PGAP3: variants seen among roughly 807,000 people sequenced by gnomAD.
The protein encoded by PGAP3 is post-GPI attachment to proteins phospholipase 3.
A neutral mutation model predicts 40.3 loss-of-function variants in PGAP3; 31 were observed. The observed-to-expected ratio is 0.77, with a 90% CI of 0.58 to 1.04. The LOEUF is 1.04. PGAP3 is among the 50% of genes least tolerant of loss of function. The probability of loss-of-function intolerance (pLI) is 0.00; values close to 1 mark genes in which losing one functional copy is unlikely to be tolerated. For missense variants in PGAP3, 413 were observed against 423.0 expected, an observed-to-expected ratio of 0.98 and a Z score of 0.21; for synonymous variants, 191 against 184.5, an observed-to-expected ratio of 1.04 and a Z score of -0.29.
chr17:39,672,717 G>T lies in PGAP3; in HGVS notation c.*86C>A. ...GTCCAAGTTCAAGAAGTTGAAAAGA[G>T]AAAATCATCTCAAGGGTTGAGGGGA... On this transcript the variant is annotated 3_prime_UTR_variant, in exon 8 of 8. Coordinates refer to ENST00000300658, the MANE Select transcript of PGAP3 (RefSeq NM_033419.5). The T allele has an allele frequency of 1.5e-6, 2 of 1,357,860 alleles. No individual in the cohort carries two copies. The highest frequency in any genetic ancestry group is 2.1e-6 in the Non-Finnish European group (2 of 957,588). 84.1% of individuals were successfully genotyped at this position (1,357,860 alleles called of 1,614,324 possible). A position where few individuals can be genotyped will look rare whatever the true frequency, so the allele number is the denominator to read the frequency against.
Position 39,673,635 on chromosome 17 carries a change from C to G in PGAP3, c.573G>C (p.Gln191His). Residue 191 changes from glutamine to histidine, a missense_variant, in exon 6 of 8, where the codon CAG (glutamine) becomes CAC (histidine). By Grantham distance (24) the Gln-to-His change is conservative. Coordinates refer to ENST00000300658, the MANE Select transcript of PGAP3 (RefSeq NM_033419.5). ...GGAAGGCACTGACCACAGCTGGGTGCTGCAGCCCCACGGTCCTGCCCCACC... is the reference window on the plus strand; with the variant it reads ...GGAAGGCACTGACCACAGCTGGGTGGTGCAGCCCCACGGTCCTGCCCCACC... ...YLCCVRTVGL[Q>H]HPAVVSAFRA... 1.2e-6 allele frequency: 2 copies of G among 1,614,028 alleles called. No homozygotes were observed. Among genetic ancestry groups the G allele is most frequent in the Non-Finnish European group, 8.5e-7 (1 of 1,180,000 alleles).
rs75119040 is a variant in PGAP3 at position 39,685,859 on chromosome 17, A to G, written c.279+63T>C. On this transcript the variant is annotated intron_variant, in intron 2 of 7. Transcript: ENST00000300658. ...CAGACTGCTTGGACAGTGTGGTCCA[A>G]CCAGGGGGTATATTACTCCTACCAC... is the stretch of plus-strand genomic sequence containing the variant. The G allele has an allele frequency of 2.5e-3, 3,759 of 1,479,258 alleles. 89 individuals are homozygous for G. In the African/African-American group the frequency reaches 0.046, roughly 18 times the overall value. The allele number at this position is 1,479,258 out of a possible 1,614,324, so 91.6% of individuals were successfully genotyped here.
intron 3 of PGAP3, among the ~76,000 whole-genome samples, chr17:39,683,890 C>G (rs910764259): frequency 6.6e-6 from 1 of 151,896 alleles, no homozygotes; most frequent in African/African-American, 2.4e-5. Context: ...TTTGGGAGGC[C>G]GAGGTGGGTG....
At chr17:39,673,896 G>T in intron 5 of PGAP3, 97 bp downstream of exon 5, 2 of 1,429,068 alleles carry the variant, frequency 1.4e-6, no homozygotes, top group Non-Finnish European at 1.9e-6. Flanking sequence ...CGTAGGTGTT[G>T]GGAGACTAGT....
At chr17:39,673,728 C>A (rs79757706) in intron 5 of PGAP3, 78 bp from the exon 6 acceptor site, 16 of 1,575,502 alleles carry the variant, frequency 1.0e-5, no homozygotes, top group South Asian at 5.8e-5. Flanking sequence ...TCTCCTCCCC[C>A]CAACATTGGT....
intron 4 of PGAP3, among the ~76,000 whole-genome samples, 190 bp from the exon 5 acceptor site, chr17:39,674,244 T>C (rs2057347877): frequency 6.6e-6 from 1 of 152,168 alleles, no homozygotes; most frequent in Non-Finnish European, 1.5e-5. Context: ...AACAAGGCTT[T>C]AGGGACGCTG....
intron 5 of PGAP3, 112 bp downstream of exon 5, chr17:39,673,881 G>A (rs1331742551): frequency 4.5e-6 from 6 of 1,346,986 alleles, no homozygotes; most frequent in African/African-American, 1.4e-5. Flanking sequence ...TTGGGGGTTG[G>A]GGGGCGTAGG....
intron 1 of PGAP3, among the ~76,000 whole-genome samples, chr17:39,687,052 G>T (rs1002554276): frequency 6.6e-6 from 1 of 152,108 alleles, no homozygotes; most frequent in African/African-American, 2.4e-5. Flanking sequence ...TGCTCCCTGA[G>T]TAAATAAAGC....
intron 3 of PGAP3, among the ~76,000 whole-genome samples, chr17:39,684,155 A>G (rs942294000): frequency 4.2e-5 from 5 of 118,680 alleles, no homozygotes; most frequent in African/African-American, 1.0e-4. Flanking sequence ...AAAAAAAAAG[A>G]CTAGGCTGAG....
In PGAP3 at chr17:39,687,771, T is replaced by C. The variant is rs915104951; in HGVS notation, c.181+63A>G. 27 of 1,242,060 alleles carry C rather than the reference T, an allele frequency of 2.2e-5. No individual in the cohort carries two copies. In the Admixed American group the frequency reaches 2.8e-4, roughly 13 times the overall value. The allele number at this position is 1,242,060 out of a possible 1,614,324, so 76.9% of individuals were successfully genotyped here. A position where few individuals can be genotyped will look rare whatever the true frequency, so the allele number is the denominator to read the frequency against. On this transcript the variant is annotated intron_variant, in intron 1 of 7. Transcript: ENST00000300658. ...AAGGTTCAGGGATTGCAGAGGCGTATTGGGGGCGCAGGGGGCGGGAGCAAG... is the reference window on the plus strand; with the variant it reads ...AAGGTTCAGGGATTGCAGAGGCGTACTGGGGGCGCAGGGGGCGGGAGCAAG...
intron 3 of PGAP3, among the ~76,000 whole-genome samples, chr17:39,680,590 C>T (rs532229157): frequency 1.3e-5 from 2 of 152,242 alleles, no homozygotes; most frequent in East Asian, 1.9e-4. Flanking sequence ...CTCCAGATTC[C>T]GGGGTCTCCT....
rs1454137995 is a variant in PGAP3 at position 39,674,701 on chromosome 17, A to G, written c.433-22T>C. ...ACACCTAAGGAGGGAGGGGCTGGTG[A>G]GCATGCTGCCCCCCACCCTGACCTC... On this transcript the variant is annotated intron_variant, in intron 3 of 7. Transcript: ENST00000300658. 4 of 1,545,160 alleles carry G rather than the reference A, an allele frequency of 2.6e-6. No homozygotes were observed. The South Asian group carries it at 4.8e-5, about 18-fold the overall frequency.
In PGAP3 at chr17:39,674,683, A is replaced by T. The variant is rs1260526714; in HGVS notation, c.433-4T>A. On this transcript the variant is annotated splice_region_variant and splice_polypyrimidine_tract_variant and intron_variant, in intron 3 of 7. Coordinates refer to ENST00000300658, the MANE Select transcript of PGAP3 (RefSeq NM_033419.5). ...AGAACCATGCATTGAGGGACACCTA[A>T]GGAGGGAGGGGCTGGTGAGCATGCT... 9 of 1,550,740 alleles carry T rather than the reference A, an allele frequency of 5.8e-6. No individual in the cohort carries two copies. The highest frequency in any genetic ancestry group is 7.9e-6 in the Non-Finnish European group (9 of 1,146,346).
chr17:39,677,258 G>A (rs2057385894), intron 3 of PGAP3, among the ~76,000 whole-genome samples: 1 of 152,128 alleles, frequency 6.6e-6, no homozygotes, highest in African/African-American at 2.4e-5. Context: ...CATAGTAGGT[G>A]CCCATCAATG....
intron 3 of PGAP3, among the ~76,000 whole-genome samples, chr17:39,675,081 C>T (rs1463990480): frequency 6.6e-6 from 1 of 151,850 alleles, no homozygotes; most frequent in African/African-American, 2.4e-5. Context: ...ACCTCAGCCT[C>T]TGGGGGCGGG....
At chr17:39,686,555 ATTTTTTTTTTTT>A (rs35277523) in intron 1 of PGAP3, among the ~76,000 whole-genome samples, 1 of 98,514 alleles carries the variant, frequency 1.0e-5, no homozygotes, top group Non-Finnish European at 1.9e-5. Flanking sequence ...CGCACCCGGC[ATTTTTTTTTTTT>A]TTTTTTTTTT....
chr17:39,686,343 G>A (rs1311833102), intron 1 of PGAP3, among the ~76,000 whole-genome samples: 1 of 151,358 alleles, frequency 6.6e-6, no homozygotes, highest in Non-Finnish European at 1.5e-5. Flanking sequence ...TGCAACCTCC[G>A]CCTCCTGGGT....
intron 2 of PGAP3, 176 bp from the exon 3 acceptor site, chr17:39,684,925 A>G: frequency 1.4e-6 from 1 of 716,492 alleles, no homozygotes; most frequent in South Asian, 2.0e-5. Context: ...TCCAGTGCCT[A>G]GTTAAGAGTT....
chr17:39,676,523 A>G (rs1337852654), intron 3 of PGAP3: 1 of 152,082 alleles, frequency 6.6e-6, no homozygotes, highest in Non-Finnish European at 1.5e-5. Flanking sequence ...CCTTCCACTC[A>G]CAGAGACCCA....
Sources: gnomAD v4.1 joint callset for allele counts (sites outside exome capture counted in the v4.1 genomes callset) on GRCh38, gnomAD v4.1.1 for gene constraint, MANE v1.5 for transcripts, NCBI Gene and HGNC (gene_info 2026-07-23, HGNC 2026-07-21) for gene names.